SLC38A1: variants seen among roughly 807,000 people sequenced by gnomAD.
The protein encoded by SLC38A1 is sodium-coupled neutral amino acid symporter 1.
In SLC38A1, 18 loss-of-function variants were observed where a neutral mutation model predicts 60.3. The ratio of observed to expected loss-of-function variants is 0.30; its 90% confidence interval spans 0.21 to 0.44. The LOEUF (loss-of-function observed/expected upper bound fraction) is 0.44, where lower values mean the gene tolerates loss of function less well. Among genes scored for constraint, SLC38A1 ranks in the 20% least tolerant of loss-of-function variants. SLC38A1 has a pLI of 1.00. For synonymous variants in SLC38A1, 196 were observed against 212.1 expected (o/e 0.92, Z 0.66); for missense variants, 448 against 587.2 (o/e 0.76, Z 2.45).
At chr12:46,205,729 T>C (rs1939866657) in intron 9 of SLC38A1, among the ~76,000 whole-genome samples, 1 of 152,170 alleles carries the variant, frequency 6.6e-6, no homozygotes, top group Non-Finnish European at 1.5e-5. Context: ...GAAAATGTAT[T>C]TATCTAAATA....
chr12:46,218,651 CA>C (rs1407828794), intron 5 of SLC38A1, among the ~76,000 whole-genome samples: 1 of 152,030 alleles, frequency 6.6e-6, no homozygotes, highest in Non-Finnish European at 1.5e-5. Context: ...TTTATTGAGA[CA>C]GGGGAATTGC....
chr12:46,213,756 G>A (rs1487735242), intron 5 of SLC38A1, among the ~76,000 whole-genome samples: 1 of 152,218 alleles, frequency 6.6e-6, no homozygotes, highest in Non-Finnish European at 1.5e-5. Context: ...CCACCCAGCA[G>A]CCAGAGTAAT....
At chr12:46,264,169 T>A (rs1041618170) in intron 1 of SLC38A1, among the ~76,000 whole-genome samples, 2 of 152,206 alleles carry the variant, frequency 1.3e-5, no homozygotes, top group African/African-American at 4.8e-5. Flanking sequence ...CCCTGAAGAT[T>A]AGCAGCATGC....
chr12:46,229,440 T>C (rs1227503643), intron 4 of SLC38A1, 124 bp downstream of exon 4: 3 of 823,060 alleles, frequency 3.6e-6, no homozygotes, highest in African/African-American at 3.4e-5. Context: ...ATACATAAGG[T>C]ATGAGGAATA....
At chr12:46,245,593 A>G (rs1592139847) in intron 1 of SLC38A1, among the ~76,000 whole-genome samples, 2 of 152,212 alleles carry the variant, frequency 1.3e-5, no homozygotes, top group African/African-American at 4.8e-5. Flanking sequence ...ACTGTTTCAT[A>G]TGACACAGTA....
chr12:46,219,393 C>T (rs10880938), intron 5 of SLC38A1, among the ~76,000 whole-genome samples: 27,213 of 152,174 alleles, frequency 0.18, 4,109 homozygotes, highest in East Asian at 0.46. Context: ...GTACACTTTA[C>T]AACTATCTTT....
chr12:46,246,360 C>A (rs146868669), intron 1 of SLC38A1, among the ~76,000 whole-genome samples: 2 of 152,254 alleles, frequency 1.3e-5, no homozygotes, highest in Admixed American at 6.5e-5. Flanking sequence ...TTGTATCCTG[C>A]GCCTGGATCG....
intron 13 of SLC38A1, among the ~76,000 whole-genome samples, chr12:46,200,030 G>GA (rs1335823649): frequency 6.6e-6 from 1 of 152,124 alleles, no homozygotes; most frequent in Non-Finnish European, 1.5e-5. Context: ...TATTCTATGT[G>GA]AAAAATAATG....
At chr12:46,219,951 G>GTGCA (rs1940588290) in intron 5 of SLC38A1, among the ~76,000 whole-genome samples, 2 of 152,136 alleles carry the variant, frequency 1.3e-5, no homozygotes, top group African/African-American at 4.8e-5. Context: ...GCATGTGCGC[G>GTGCA]CACACACACA....
chr12:46,196,252 C>A (rs1424356348), intron 16 of SLC38A1: 1 of 1,536,006 alleles, frequency 6.5e-7, no homozygotes, highest in South Asian at 1.2e-5. Context: ...CAGGGCTGGA[C>A]TGGAAACTGG....
intron 1 of SLC38A1, among the ~76,000 whole-genome samples, chr12:46,266,566 G>A (rs1272010664): frequency 6.6e-6 from 1 of 151,522 alleles, no homozygotes; most frequent in Non-Finnish European, 1.5e-5. Context: ...GCCCCTCCCG[G>A]TGAGTCACTC....
At chr12:46,234,184 C>A (rs1401425910) in intron 3 of SLC38A1, among the ~76,000 whole-genome samples, 7 of 152,178 alleles carry the variant, frequency 4.6e-5, no homozygotes, top group Non-Finnish European at 8.8e-5. Flanking sequence ...ACACTGAACT[C>A]ATCTTGAATT....
chr12:46,241,391 C>G (rs534070108), intron 2 of SLC38A1, among the ~76,000 whole-genome samples: 2 of 152,292 alleles, frequency 1.3e-5, no homozygotes, highest in South Asian at 4.1e-4. Flanking sequence ...AGCCAGGCCA[C>G]ACATTATTCT....
chr12:46,219,032 G>A lies in SLC38A1; in HGVS notation c.315-9905C>T, dbSNP rs113160775. Among the ~76,000 whole-genome samples the A allele has an allele frequency of 3.8e-3, 582 of 152,310 alleles. 1 individual carries two copies. The highest frequency in any genetic ancestry group is 0.013 in the African/African-American group (560 of 41,562). On this transcript the variant is annotated intron_variant, in intron 5 of 16. Transcript: ENST00000398637. Reference sequence around the variant, plus strand: ...ATTTGGGGAGGTTCAGACTCTTGGAGCCAGAGGCTGCATGACCCCTAAACT... The same window carrying A: ...ATTTGGGGAGGTTCAGACTCTTGGAACCAGAGGCTGCATGACCCCTAAACT...
intron 5 of SLC38A1, among the ~76,000 whole-genome samples, chr12:46,217,528 A>G (rs1940468883): frequency 6.6e-6 from 1 of 152,236 alleles, no homozygotes; most frequent in South Asian, 2.1e-4. Context: ...AAATATAAAG[A>G]ACTTTTCAAG....
chr12:46,191,532 C>T (rs1939145552), intron 16 of SLC38A1, among the ~76,000 whole-genome samples: 1 of 152,140 alleles, frequency 6.6e-6, no homozygotes, highest in African/African-American at 2.4e-5. Flanking sequence ...GCAGTATGGC[C>T]ATTTTCATGA....
At chr12:46,197,556 T>G in intron 16 of SLC38A1, 164 bp downstream of exon 16, 1 of 573,762 alleles carries the variant, frequency 1.7e-6, no homozygotes, top group Non-Finnish European at 3.1e-6. Context: ...TGGGAGAAGA[T>G]TCTGATATGA....
intron 5 of SLC38A1, among the ~76,000 whole-genome samples, chr12:46,217,592 T>C (rs1239646611): frequency 6.6e-6 from 1 of 152,218 alleles, no homozygotes; most frequent in Non-Finnish European, 1.5e-5. Context: ...TTTGTTTAAG[T>C]CTTAAGCTCA....
intron 8 of SLC38A1, among the ~76,000 whole-genome samples, chr12:46,206,681 C>T (rs1009096226): frequency 1.3e-5 from 2 of 152,166 alleles, no homozygotes; most frequent in Non-Finnish European, 1.5e-5. Flanking sequence ...AACTGTTAAA[C>T]AAGAGGGAGT....
Sources: gnomAD v4.1 joint callset for allele counts (sites outside exome capture counted in the v4.1 genomes callset) on GRCh38, gnomAD v4.1.1 for gene constraint, MANE v1.5 for transcripts, NCBI Gene and HGNC (gene_info 2026-07-23, HGNC 2026-07-21) for gene names.